The following MSH3 variants were observed in gnomAD, a reference collection of about 807,000 sequenced individuals.
MSH3 encodes the protein DNA mismatch repair protein Msh3.
Under a neutral mutation model 123.3 loss-of-function variants are expected in MSH3, and 106 were observed. The observed-to-expected ratio is 0.86, with a 90% confidence interval of 0.73 to 1.01. The LOEUF is 1.01. MSH3 is among the 50% of genes least tolerant of loss of function. The pLI is 0.00. For synonymous variants in MSH3, 515 were observed against 481.4 expected (o/e 1.07, Z -0.91); for missense variants, 1,459 against 1,347.6 (o/e 1.08, Z -1.29).
intron 3 of MSH3, among the ~76,000 whole-genome samples, chr5:80,666,957 GTA>G (rs1749587344): frequency 6.6e-6 from 1 of 152,154 alleles, no homozygotes; most frequent in Admixed American, 6.5e-5. Context: ...TATCTGATGA[GTA>G]TTTCTATCCA....
Position 80,768,922 on chromosome 5 carries a change from C to A in MSH3, c.2172C>A (p.Asp724Glu), listed in dbSNP as rs541680738. 6.2e-7 allele frequency: 1 copy of A among 1,612,310 alleles called. No homozygotes were observed. Among genetic ancestry groups the A allele is most frequent in the Non-Finnish European group, 8.5e-7 (1 of 1,178,808 alleles). ...AGGATGAAATTCAAGGTGTTATTGA[C>A]GAGATCCGAATGCATTTGCAAGAAA... ...KRKDEIQGVI[D>E]EIRMHLQEIR... The change falls in exon 15 of 24, where the codon GAC (aspartate) becomes GAA (glutamate). Residue 724 changes from aspartate (D) to glutamate (E), a missense_variant. By Grantham distance (45) the Asp-to-Glu change is conservative. Transcript: ENST00000265081.
chr5:80,871,884 A>G (rs1483184187), intron 22 of MSH3, among the ~76,000 whole-genome samples: 2 of 152,130 alleles, frequency 1.3e-5, no homozygotes, highest in Admixed American at 6.5e-5. Flanking sequence ...GGCTGCCTAC[A>G]ACAACCAGTC....
Position 80,692,007 on chromosome 5 carries a change from AT to A in MSH3, c.1340+12915del, listed in dbSNP as rs1480426488. Reference sequence around the variant, plus strand: ...CATGTATATGTTTAGATAGATAAACATGTATATGTTTAGATAGATAAACAGT... The same window carrying A: ...CATGTATATGTTTAGATAGATAAACAGTATATGTTTAGATAGATAAACAGT... On this transcript the variant is annotated intron_variant, in intron 8 of 23. Coordinates refer to ENST00000265081, the MANE Select transcript of MSH3 (RefSeq NM_002439.5). 5.2e-5 allele frequency among the ~76,000 whole-genome samples: 5 copies of A among 95,806 alleles called. 1 individual carries two copies. Among genetic ancestry groups the A allele is most frequent in the East Asian group, 4.6e-4 (2 of 4,390 alleles). The allele number at this position is 95,806 out of a possible 152,430, so 62.9% of individuals were successfully genotyped here. A position where few individuals can be genotyped will look rare whatever the true frequency, so the allele number is the denominator to read the frequency against.
At chr5:80,716,127 A>G (rs1750956148) in intron 8 of MSH3, among the ~76,000 whole-genome samples, 1 of 152,242 alleles carries the variant, frequency 6.6e-6, no homozygotes, top group African/African-American at 2.4e-5. Context: ...ACTATGAGCC[A>G]TAAGAGTAGC....
chr5:80,778,725 A>G lies in MSH3; in HGVS notation c.2324A>G (p.Lys775Arg). 6.3e-7 allele frequency: 1 copy of G among 1,599,632 alleles called. No homozygotes were observed. The highest frequency in any genetic ancestry group is 8.6e-7 in the Non-Finnish European group (1 of 1,166,798). ...TGTTCTTTCCCCTCTTCTAGCACAA[A>G]AGCTGTGAGCCGCTTTCACTCTCCT... is the stretch of plus-strand genomic sequence containing the variant. ...PTDWVKVGSTKAVSRFHSPFI... is the reference protein window; with the variant it reads ...PTDWVKVGSTRAVSRFHSPFI... The change falls in exon 17 of 24, where the codon AAA (lysine) becomes AGA (arginine). Residue 775 changes from lysine to arginine, a missense_variant. Coordinates refer to ENST00000265081, the MANE Select transcript of MSH3 (RefSeq NM_002439.5).
In MSH3 at chr5:80,725,651, C is replaced by G. The variant is rs191946929; in HGVS notation, c.1453+86C>G. 306 of 890,318 alleles carry G rather than the reference C, an allele frequency of 3.4e-4. 6 individuals are homozygous for G. The Admixed American group carries it at 5.0e-3, about 15-fold the overall frequency. The allele number at this position is 890,318 out of a possible 1,614,324, so 55.2% of individuals were successfully genotyped here. A position where few individuals can be genotyped will look rare whatever the true frequency, so the allele number is the denominator to read the frequency against. The stretch of plus-strand genomic sequence containing the variant: ...AGTATGATTCTCAATTTAATGATGA[C>G]TAGGTAGTTATTATAAATATGTGGG... On this transcript the variant is annotated intron_variant, in intron 9 of 23. Coordinates refer to ENST00000265081, the MANE Select transcript of MSH3 (RefSeq NM_002439.5).
chr5:80,743,628 A>G, intron 11 of MSH3, among the ~76,000 whole-genome samples: 1 of 9,766 alleles, frequency 1.0e-4, no homozygotes, highest in Non-Finnish European at 2.0e-4. Context: ...GCGGATCACG[A>G]GGTCAGGAGA....
At chr5:80,836,351 G>A (rs977851185) in intron 20 of MSH3, among the ~76,000 whole-genome samples, 1 of 152,058 alleles carries the variant, frequency 6.6e-6, no homozygotes, top group Admixed American at 6.5e-5. Context: ...AACACTTGAG[G>A]GGACTACAGA....
chr5:80,707,708 G>T (rs1000711624), intron 8 of MSH3, among the ~76,000 whole-genome samples: 1 of 152,156 alleles, frequency 6.6e-6, no homozygotes, highest in Non-Finnish European at 1.5e-5. Flanking sequence ...CTCCAGCCTG[G>T]GTGACAGAAC....
chr5:80,750,458 T>C (rs1743812694), intron 12 of MSH3, among the ~76,000 whole-genome samples: 1 of 152,220 alleles, frequency 6.6e-6, no homozygotes, highest in African/African-American at 2.4e-5. Context: ...ATTGTGGTTT[T>C]AATTTGCGTT....
chr5:80,781,230 T>G lies in MSH3; in HGVS notation c.2435+2394T>G, dbSNP rs568881196. On this transcript the variant is annotated intron_variant, in intron 17 of 23. Coordinates refer to ENST00000265081, the MANE Select transcript of MSH3 (RefSeq NM_002439.5). ...CTGGCTTTTTCCTTAGTATTACCAC[T>G]GAGAATGTGAAAACTGAACTAAAAT... Among the ~76,000 whole-genome samples, 25 of 152,306 alleles carry G rather than the reference T, an allele frequency of 1.6e-4. No homozygotes were observed. The South Asian group carries it at 5.2e-3, about 32-fold the overall frequency.
intron 8 of MSH3, among the ~76,000 whole-genome samples, chr5:80,719,049 A>AT (rs531631510): frequency 0.012 from 1,603 of 138,776 alleles, 20 homozygotes; most frequent in African/African-American, 0.034. Flanking sequence ...AGGAAATGGT[A>AT]TTTTTTTTTT....
chr5:80,693,066 C>T (rs1441815463), intron 8 of MSH3, among the ~76,000 whole-genome samples: 1 of 127,726 alleles, frequency 7.8e-6, no homozygotes, highest in Admixed American at 7.8e-5. Context: ...GATAAATATA[C>T]ATGCACATGT....
chr5:80,805,512 G>A (rs1744871160), intron 19 of MSH3, among the ~76,000 whole-genome samples: 1 of 151,324 alleles, frequency 6.6e-6, no homozygotes, highest in South Asian at 2.1e-4. Flanking sequence ...AAATGATTAG[G>A]AATGTATGTT....
intron 20 of MSH3, among the ~76,000 whole-genome samples, chr5:80,833,106 C>G (rs2112080971): frequency 6.6e-6 from 1 of 152,128 alleles, no homozygotes; most frequent in South Asian, 2.1e-4. Flanking sequence ...CTTTATTAAG[C>G]TTTGTTGACC....
chr5:80,729,171 T>G (rs1743359501), intron 10 of MSH3, among the ~76,000 whole-genome samples: 1 of 152,026 alleles, frequency 6.6e-6, no homozygotes, highest in Non-Finnish European at 1.5e-5. Context: ...ATCCCAGCAC[T>G]TTGGGAGGCC....
At chr5:80,751,513 G>A (rs1226786299) in intron 12 of MSH3, among the ~76,000 whole-genome samples, 2 of 152,184 alleles carry the variant, frequency 1.3e-5, no homozygotes, top group Admixed American at 6.5e-5. Context: ...CTATCAGGGA[G>A]AATCTGTTCT....
chr5:80,842,499 A>C (rs986846406), intron 20 of MSH3, among the ~76,000 whole-genome samples: 6 of 152,170 alleles, frequency 3.9e-5, no homozygotes, highest in Non-Finnish European at 7.3e-5. Context: ...TACCTTGGGC[A>C]GTATGGCCAT....
intron 8 of MSH3, among the ~76,000 whole-genome samples, chr5:80,687,016 T>C (rs1419121245): frequency 4.6e-5 from 7 of 152,196 alleles, no homozygotes; most frequent in Non-Finnish European, 1.0e-4. Flanking sequence ...GTTACTAAAA[T>C]CTTCACATTT....
Sources: allele counts gnomAD v4.1 joint callset (sites outside exome capture counted in the v4.1 genomes callset), GRCh38; gene constraint gnomAD v4.1.1; transcripts MANE v1.5; gene names NCBI Gene and HGNC (gene_info 2026-07-23, HGNC 2026-07-21).